MCTP2: variants seen among roughly 807,000 people sequenced by gnomAD.
MCTP2 encodes multiple C2 and transmembrane domain containing 2.
Under a neutral mutation model 111.6 loss-of-function variants are expected in MCTP2, and 132 were observed. The observed-to-expected ratio is 1.18, with a 90% CI of 1.03 to 1.37. MCTP2 has a LOEUF of 1.37. MCTP2 is among the 40% of genes most tolerant of loss of function. The pLI, the probability that MCTP2 is intolerant of heterozygous loss-of-function variation, is 0.00. For missense variants in MCTP2, 1,183 were observed against 1,067.9 expected, an observed-to-expected ratio of 1.11 and a Z score of -1.50; for synonymous variants, 395 against 387.7, an observed-to-expected ratio of 1.02 and a Z score of -0.22.
At chr15:94,374,873 T>C (rs997033506) in intron 12 of MCTP2, among the ~76,000 whole-genome samples, 7 of 152,194 alleles carry the variant, frequency 4.6e-5, no homozygotes, top group African/African-American at 1.7e-4. Flanking sequence ...CCTAGCTCGG[T>C]GGGGGAGGAT....
At chr15:94,455,085 G>A (rs1290364534) in intron 19 of MCTP2, among the ~76,000 whole-genome samples, 2 of 152,234 alleles carry the variant, frequency 1.3e-5, no homozygotes, top group African/African-American at 2.4e-5. Flanking sequence ...GCCTCCCAGA[G>A]TACTGGGATT....
At chr15:94,281,759 C>T (rs1169026521) in intron 1 of MCTP2, among the ~76,000 whole-genome samples, 2 of 152,144 alleles carry the variant, frequency 1.3e-5, no homozygotes, top group Admixed American at 6.5e-5. Context: ...CTAGTGGTAA[C>T]ATATTCCCCT....
intron 1 of MCTP2, among the ~76,000 whole-genome samples, chr15:94,234,599 G>A (rs971079342): frequency 6.6e-6 from 1 of 152,188 alleles, no homozygotes; most frequent in Non-Finnish European, 1.5e-5. Context: ...AGAGACTGCT[G>A]GATGGGACAG....
chr15:94,305,725 A>G (rs970080830), intron 2 of MCTP2, among the ~76,000 whole-genome samples: 4 of 152,192 alleles, frequency 2.6e-5, no homozygotes, highest in African/African-American at 9.7e-5. Context: ...TTGGAAAGCC[A>G]TAAGAAATTT....
intron 20 of MCTP2, among the ~76,000 whole-genome samples, chr15:94,467,419 TTATAA>T (rs2152537194): frequency 8.0e-6 from 1 of 125,620 alleles, no homozygotes; most frequent in East Asian, 2.1e-4. Flanking sequence ...CTTACTTTTA[TTATAA>T]TAATCAAATA....
chr15:94,298,202 A>T lies in MCTP2; in HGVS notation c.-64A>T. On this transcript the variant is annotated splice_region_variant and 5_prime_UTR_variant, in exon 2 of 23. Coordinates refer to ENST00000357742, the MANE Select transcript of MCTP2 (RefSeq NM_001385001.1). ...TTGTTGTTTTTTTCTGTTTTATAGG[A>T]GTCATTGCAGTTTTCAGTAGAGGTG... 1.7e-6 allele frequency: 2 copies of T among 1,179,268 alleles called. No individual in the cohort carries two copies. The highest frequency in any genetic ancestry group is 2.6e-5 in the East Asian group (1 of 39,080). The allele number at this position is 1,179,268 out of a possible 1,614,324, so 73.1% of individuals were successfully genotyped here.
chr15:94,418,304 C>T (rs1307963667), intron 17 of MCTP2, among the ~76,000 whole-genome samples: 1 of 152,140 alleles, frequency 6.6e-6, no homozygotes, highest in African/African-American at 2.4e-5. Context: ...GAGTAAGACA[C>T]TTATCGATAC....
intron 14 of MCTP2, among the ~76,000 whole-genome samples, chr15:94,387,083 T>C (rs1344157677): frequency 6.6e-6 from 1 of 152,080 alleles, no homozygotes; most frequent in African/African-American, 2.4e-5. Context: ...CATAGGTTAC[T>C]GGTTCTTCCT....
chr15:94,384,144 G>A lies in MCTP2; in HGVS notation c.1685+20G>A, dbSNP rs779185601. The A allele has an allele frequency of 3.9e-6, 6 of 1,551,858 alleles. No homozygotes were observed. The highest frequency in any genetic ancestry group is 2.3e-5 in the East Asian group (1 of 44,130). ...TACATTGTAAGTGCTTTAGCCTCTG[G>A]AATTATTTCTGCTGTGCTTGGAAGG... On this transcript the variant is annotated intron_variant, in intron 13 of 22. Coordinates refer to ENST00000357742, the MANE Select transcript of MCTP2 (RefSeq NM_001385001.1).
At position 94,300,599 on chromosome 15, in the gene MCTP2, A is replaced by G. The variant is rs146844172; in HGVS notation, c.465+1869A>G. Among the ~76,000 whole-genome samples, 58 of 152,042 alleles carry G rather than the reference A, an allele frequency of 3.8e-4. No homozygotes were observed. In the East Asian group the frequency reaches 0.01, roughly 26 times the overall value. On this transcript the variant is annotated intron_variant, in intron 2 of 22. Transcript: ENST00000357742. Reference sequence around the variant, plus strand: ...TAGGCCAGGCAGTGTGAAAGTTGCTATTGGAAATAGAGATGGGTAAGAAAG... The same window carrying G: ...TAGGCCAGGCAGTGTGAAAGTTGCTGTTGGAAATAGAGATGGGTAAGAAAG...
chr15:94,404,201 T>G (rs956505314), intron 17 of MCTP2, among the ~76,000 whole-genome samples: 1 of 152,154 alleles, frequency 6.6e-6, no homozygotes, highest in African/African-American at 2.4e-5. Flanking sequence ...CTATTATGAT[T>G]ATTCCAAAAC....
At chr15:94,411,397 G>A (rs761719668) in intron 17 of MCTP2, among the ~76,000 whole-genome samples, 16 of 151,324 alleles carry the variant, frequency 1.1e-4, no homozygotes, top group Admixed American at 2.6e-4. Context: ...GGTGGCATGT[G>A]CTCGCCATTG....
chr15:94,340,649 C>T (rs74028588), intron 6 of MCTP2, among the ~76,000 whole-genome samples, 164 bp from the exon 7 acceptor site: 133 of 152,276 alleles, frequency 8.7e-4, no homozygotes, highest in African/African-American at 2.9e-3. Flanking sequence ...AGTTTCTCTA[C>T]TCTGAATATA....
At position 94,401,926 on chromosome 15, in the gene MCTP2, G is replaced by A. The variant is rs753463801; in HGVS notation, c.1992G>A (p.Val664=). 1.7e-5 allele frequency: 28 copies of A among 1,612,660 alleles called. No homozygotes were observed. Among genetic ancestry groups the A allele is most frequent in the Non-Finnish European group, 2.3e-5 (27 of 1,179,150 alleles). ...TCTTATCAAGAGATGTGGACCGTGT[G>A]AAAAGAATCACTATGGCAATATGGA... ...KKILSRDVDR[V]KRITMAIWNT... The change falls in exon 17 of 23, where the codon GTG becomes GTA. Residue 664 remains valine (V), a synonymous_variant. Coordinates refer to ENST00000357742, the MANE Select transcript of MCTP2 (RefSeq NM_001385001.1).
chr15:94,331,777 A>C (rs926849519), intron 4 of MCTP2, among the ~76,000 whole-genome samples: 3 of 152,210 alleles, frequency 2.0e-5, no homozygotes, highest in African/African-American at 7.2e-5. Flanking sequence ...GGAGCCAATG[A>C]AATGTTATAC....
At chr15:94,309,824 T>C (rs993524910) in intron 2 of MCTP2, among the ~76,000 whole-genome samples, 5 of 152,202 alleles carry the variant, frequency 3.3e-5, no homozygotes, top group African/African-American at 7.2e-5. Flanking sequence ...AATGGAAATA[T>C]CAATGCAAAG....
chr15:94,264,894 A>G (rs1194788759), intron 1 of MCTP2, among the ~76,000 whole-genome samples: 1 of 152,168 alleles, frequency 6.6e-6, no homozygotes, highest in African/African-American at 2.4e-5. Context: ...TAAACTCTCA[A>G]TTTGGTCCTG....
intron 19 of MCTP2, among the ~76,000 whole-genome samples, chr15:94,444,741 A>G (rs971883881): frequency 6.6e-6 from 1 of 152,250 alleles, no homozygotes; most frequent in East Asian, 1.9e-4. Context: ...AAGAACAAGC[A>G]TACATTTCTT....
At chr15:94,419,572 C>G (rs896197419) in intron 17 of MCTP2, among the ~76,000 whole-genome samples, 1 of 151,990 alleles carries the variant, frequency 6.6e-6, no homozygotes, top group Non-Finnish European at 1.5e-5. Flanking sequence ...CTAAATAGGA[C>G]CTTGACTGGG....
Sources: gnomAD v4.1 joint callset for allele counts (sites outside exome capture counted in the v4.1 genomes callset) on GRCh38, gnomAD v4.1.1 for gene constraint, MANE v1.5 for transcripts, NCBI Gene and HGNC (gene_info 2026-07-23, HGNC 2026-07-21) for gene names.